The following USP54 variants were observed in gnomAD, a reference collection of about 807,000 sequenced individuals.
USP54 encodes the protein ubiquitin carboxyl-terminal hydrolase 54.
USP54 carries 87 observed loss-of-function variants against 170.5 expected under a neutral mutation model. The ratio of observed to expected loss-of-function variants is 0.51; its 90% CI spans 0.43 to 0.61. The LOEUF (loss-of-function observed/expected upper bound fraction) is 0.61, where lower values mean the gene tolerates loss of function less well. Among genes scored for constraint, USP54 ranks in the 20% least tolerant of loss-of-function variants. USP54 has a pLI of 0.00. For missense variants in USP54, 1,786 were observed against 2,047.8 expected, an observed-to-expected ratio of 0.87 and a Z score of 2.47; for synonymous variants, 655 against 742.8, an observed-to-expected ratio of 0.88 and a Z score of 1.92.
chr10:73,554,176 A>G (rs1302366049), intron 4 of USP54, among the ~76,000 whole-genome samples: 1 of 152,192 alleles, frequency 6.6e-6, no homozygotes, highest in African/African-American at 2.4e-5. Flanking sequence ...AGGATTAAGG[A>G]GAAAGGTTGT....
At chr10:73,617,268 C>G (rs2080717608) in intron 1 of USP54, among the ~76,000 whole-genome samples, 1 of 150,106 alleles carries the variant, frequency 6.7e-6, no homozygotes, top group African/African-American at 2.5e-5. Context: ...TGCACTGCAG[C>G]CTGGGCAACA....
At chr10:73,520,722 G>C (rs1045156101) in intron 18 of USP54, among the ~76,000 whole-genome samples, 186 bp downstream of exon 18, 2 of 152,198 alleles carry the variant, frequency 1.3e-5, no homozygotes, top group Non-Finnish European at 2.9e-5. Flanking sequence ...ATATCCATAG[G>C]CCACAGTGCC....
intron 3 of USP54, among the ~76,000 whole-genome samples, chr10:73,572,034 T>C (rs1236165327): frequency 6.6e-6 from 1 of 152,220 alleles, no homozygotes; most frequent in African/African-American, 2.4e-5. Flanking sequence ...AAAAATATGA[T>C]ATTAACAGTG....
intron 15 of USP54, chr10:73,529,222 G>A (rs1253699798): frequency 1.2e-5 from 2 of 166,310 alleles, no homozygotes; most frequent in African/African-American, 2.4e-5. Context: ...ACAGCATATT[G>A]TCACTTATAA....
intron 9 of USP54, among the ~76,000 whole-genome samples, chr10:73,540,330 G>A (rs1005152003): frequency 2.6e-5 from 4 of 151,344 alleles, no homozygotes; most frequent in African/African-American, 9.7e-5. Flanking sequence ...CAGCACTTTT[G>A]GAGGGGGAGG....
intron 21 of USP54, 121 bp downstream of exon 21, chr10:73,505,187 T>G (rs1589810187): frequency 8.0e-7 from 1 of 1,243,702 alleles, no homozygotes; most frequent in East Asian, 2.3e-5. Flanking sequence ...AGACCTTATT[T>G]TCTTCTGATA....
intron 1 of USP54, chr10:73,624,648 G>A (rs935132895): frequency 1.3e-5 from 2 of 152,116 alleles, no homozygotes; most frequent in African/African-American, 2.4e-5. Context: ...TCTGTCGATT[G>A]AAATAAATTA....
At chr10:73,611,628 TA>T (rs527358501) in intron 1 of USP54, 5,815 of 113,938 alleles carry the variant, frequency 0.051, 156 homozygotes, top group South Asian at 0.13. Flanking sequence ...CCGTCTCTAC[TA>T]AAAAAAAAAA....
At chr10:73,520,090 A>C in intron 18 of USP54, 98 bp from the exon 19 acceptor site, 1 of 1,495,506 alleles carries the variant, frequency 6.7e-7, no homozygotes, top group Non-Finnish European at 8.9e-7. Flanking sequence ...ATATGCAGTA[A>C]AACTCAAAAT....
chr10:73,605,995 T>C (rs1446762160), intron 1 of USP54, among the ~76,000 whole-genome samples: 1 of 151,708 alleles, frequency 6.6e-6, no homozygotes. Context: ...CTGGCCAACA[T>C]GGTGAAACCC....
chr10:73,543,278 T>C, intron 5 of USP54, 147 bp from the exon 6 acceptor site: 1 of 615,098 alleles, frequency 1.6e-6, no homozygotes, highest in Non-Finnish European at 2.8e-6. Context: ...AAAAAAATTA[T>C]AAATTCATAG....
At chr10:73,526,903 ACTT>A (rs2062975251) in intron 15 of USP54, 123 bp from the exon 16 acceptor site, 1 of 1,161,986 alleles carries the variant, frequency 8.6e-7, no homozygotes, top group South Asian at 1.6e-5. Flanking sequence ...CTGCTAAACT[ACTT>A]CTGAAGAATT....
chr10:73,567,772 T>A (rs2133766968), intron 4 of USP54, among the ~76,000 whole-genome samples: 1 of 152,340 alleles, frequency 6.6e-6, no homozygotes, highest in South Asian at 2.1e-4. Context: ...TGAGTTTTTT[T>A]GTAACAGTCA....
At position 73,536,416 on chromosome 10, in the gene USP54, C is replaced by T. The variant is rs1292849107; in HGVS notation, c.997G>A (p.Val333Met). The T allele has an allele frequency of 6.4e-7, 1 of 1,561,870 alleles. No individual in the cohort carries two copies. Among genetic ancestry groups the T allele is most frequent in the Non-Finnish European group, 8.7e-7 (1 of 1,155,354 alleles). Residue 333 changes from valine (V) to methionine (M), a missense_variant, in exon 11 of 24, where the codon GTG (valine) becomes ATG (methionine). Physicochemically the swap from Val to Met is conservative, Grantham distance 21. This residue lies in a region of USP54 where 361 missense variants were observed against 455.0 expected (regional missense o/e 0.79). Transcript: ENST00000687698. Reference protein sequence around the residue: ...VKEIGPKWKDVVTKCIKGHYQ... With the variant: ...VKEIGPKWKDMVTKCIKGHYQ... Reference sequence around the variant, plus strand: ...TGCCCCTTGATGCATTTGGTCACCACATCCTTCCATTTGGGCCCAATCTGA... The same window carrying T: ...TGCCCCTTGATGCATTTGGTCACCATATCCTTCCATTTGGGCCCAATCTGA...
At chr10:73,578,601 G>A (rs769831610) in intron 1 of USP54, among the ~76,000 whole-genome samples, 3 of 151,996 alleles carry the variant, frequency 2.0e-5, no homozygotes, top group Non-Finnish European at 4.4e-5. Context: ...TAGTAGAGAC[G>A]GGATTTCACC....
At chr10:73,526,864 A>G (rs2062968708) in intron 15 of USP54, 84 bp from the exon 16 acceptor site, 16 of 1,473,176 alleles carry the variant, frequency 1.1e-5, no homozygotes, top group Non-Finnish European at 8.2e-6. Flanking sequence ...CTCTCAAAAA[A>G]AAAAAATCAA....
intron 17 of USP54, among the ~76,000 whole-genome samples, chr10:73,521,556 T>C (rs2061902976): frequency 6.6e-6 from 1 of 152,198 alleles, no homozygotes; most frequent in Admixed American, 6.5e-5. Context: ...ACTTCACCAA[T>C]TCACAGTCCT....
At chr10:73,624,398 G>GGC (rs1449034973) in intron 1 of USP54, 1 of 136,836 alleles carries the variant, frequency 7.3e-6, no homozygotes, top group East Asian at 2.6e-4. Context: ...CGGGGGGGGG[G>GGC]GGTTTCACCA....
At chr10:73,603,414 A>T (rs2079356640) in intron 1 of USP54, among the ~76,000 whole-genome samples, 1 of 152,224 alleles carries the variant, frequency 6.6e-6, no homozygotes, top group African/African-American at 2.4e-5. Flanking sequence ...GCTAATATCC[A>T]CAATATATAA....
Sources: allele counts gnomAD v4.1 joint callset (sites outside exome capture counted in the v4.1 genomes callset), GRCh38; gene constraint gnomAD v4.1.1; regional missense constraint gnomAD v4.1.1; transcripts MANE v1.5; gene names NCBI Gene and HGNC (gene_info 2026-07-23, HGNC 2026-07-21).